The following NEDD9 variants were observed in gnomAD, a reference collection of about 807,000 sequenced individuals.
NEDD9 encodes the protein neural precursor cell expressed, developmentally down-regulated 9.
Under a neutral mutation model 76.6 loss-of-function variants are expected in NEDD9, and 26 were observed. The ratio of observed to expected loss-of-function variants is 0.34; its 90% confidence interval spans 0.25 to 0.47. The LOEUF (loss-of-function observed/expected upper bound fraction) is 0.47, where lower values mean the gene tolerates loss of function less well. NEDD9 is among the 20% of genes least tolerant of loss of function. The pLI, the probability that NEDD9 is intolerant of heterozygous loss-of-function variation, is 1.00. For missense variants in NEDD9, 937 were observed against 1,058.5 expected (o/e 0.89, Z 1.59); for synonymous variants, 392 against 414.2 (o/e 0.95, Z 0.65).
intron 3 of NEDD9, among the ~76,000 whole-genome samples, chr6:11,262,322 G>T (rs1329913217): frequency 1.3e-5 from 2 of 152,218 alleles, no homozygotes; most frequent in Non-Finnish European, 2.9e-5. Flanking sequence ...AATTTTGGCA[G>T]CTGCGTTAGT....
intron 1 of NEDD9, among the ~76,000 whole-genome samples, chr6:11,363,704 C>T (rs1762716054): frequency 1.3e-5 from 2 of 152,130 alleles, no homozygotes; most frequent in South Asian, 2.1e-4. Context: ...TGCTACTTTG[C>T]TCATGTTAGG....
intron 3 of NEDD9, 47 bp from the exon 4 acceptor site, chr6:11,192,493 T>C (rs1417615979): frequency 2.1e-6 from 3 of 1,417,350 alleles, no homozygotes; most frequent in Non-Finnish European, 3.0e-6. Flanking sequence ...GTCTTATACT[T>C]GGTCATTTTT....
At chr6:11,195,036 A>G (rs1304702582) in intron 2 of NEDD9, among the ~76,000 whole-genome samples, 1 of 152,196 alleles carries the variant, frequency 6.6e-6, no homozygotes. Context: ...GAAACCGTCA[A>G]CTTTTATCCT....
intron 3 of NEDD9, among the ~76,000 whole-genome samples, chr6:11,255,145 T>G (rs920582024): frequency 6.6e-6 from 1 of 152,028 alleles, no homozygotes; most frequent in Non-Finnish European, 1.5e-5. Flanking sequence ...CATGGAGAAA[T>G]GAGTGGATGA....
At chr6:11,191,950 A>G (rs1758154960) in intron 4 of NEDD9, among the ~76,000 whole-genome samples, 1 of 152,172 alleles carries the variant, frequency 6.6e-6, no homozygotes. Flanking sequence ...GACTGCAATG[A>G]GCTGTGGTTG....
At chr6:11,358,874 C>T (rs1762629699) in intron 1 of NEDD9, among the ~76,000 whole-genome samples, 1 of 152,178 alleles carries the variant, frequency 6.6e-6, no homozygotes, top group South Asian at 2.1e-4. Context: ...GCTAAGATCA[C>T]ACCATCGGCA....
upstream of NEDD9, among the ~76,000 whole-genome samples, chr6:11,236,686 C>G (rs1260681244): frequency 6.6e-6 from 1 of 152,162 alleles, no homozygotes; most frequent in Non-Finnish European, 1.5e-5. The surrounding 1 kb of genome is among the most constrained non-coding windows in gnomAD (Gnocchi z 5.5). Context: ...ATCTCTTGGT[C>G]TGGTCTATTC....
intron 3 of NEDD9, among the ~76,000 whole-genome samples, chr6:11,279,092 G>A (rs1760477052): frequency 6.6e-6 from 1 of 152,142 alleles, no homozygotes; most frequent in South Asian, 2.1e-4. Flanking sequence ...TGAAGTAAAG[G>A]CAATAGATAC....
chr6:11,219,927 G>A (rs758167022), intron 1 of NEDD9, among the ~76,000 whole-genome samples: 1 of 152,194 alleles, frequency 6.6e-6, no homozygotes, highest in Non-Finnish European at 1.5e-5. Flanking sequence ...TGCATCTGAA[G>A]ATCTGGAATG....
intron 3 of NEDD9, among the ~76,000 whole-genome samples, chr6:11,255,747 C>T (rs914540127): frequency 1.3e-5 from 2 of 152,026 alleles, no homozygotes; most frequent in Non-Finnish European, 2.9e-5. Flanking sequence ...TTCCCTTAAT[C>T]CCTGAGCACT....
In NEDD9 at chr6:11,185,369, C is replaced by T. The variant is rs1757949670; in HGVS notation, c.2298G>A (p.Gln766=). The change falls in exon 7 of 7, where the codon CAG becomes CAA. Residue 766 remains glutamine, a synonymous_variant. Coordinates refer to ENST00000379446, the MANE Select transcript of NEDD9 (RefSeq NM_006403.4). ...TGTTGCGAATGTCCTGGGCAGTCACCTGCCGTGTCAGCGTGTCTCCAATGA... is the reference window on the plus strand; with the variant it reads ...TGTTGCGAATGTCCTGGGCAGTCACTTGCCGTGTCAGCGTGTCTCCAATGA... ...LVFIGDTLTR[Q]VTAQDIRNKV... is the part of the protein sequence containing the mutation. 1.2e-6 allele frequency: 2 copies of T among 1,614,132 alleles called. No homozygotes were observed. The highest frequency in any genetic ancestry group is 1.3e-5 in the African/African-American group (1 of 74,936).
chr6:11,356,009 C>CG (rs1762568258), intron 1 of NEDD9, among the ~76,000 whole-genome samples: 1 of 152,180 alleles, frequency 6.6e-6, no homozygotes, highest in Non-Finnish European at 1.5e-5. Context: ...GCGTGAGCCA[C>CG]CATGCCCGGC....
chr6:11,306,011 C>T (rs1456838713), exon 3 of NEDD9: 1 of 1,613,900 alleles, frequency 6.2e-7, no homozygotes, highest in Non-Finnish European at 8.5e-7. Flanking sequence ...CATTTTGCCC[C>T]AAGGAATGAT....
chr6:11,257,107 G>T (rs1452977267), intron 3 of NEDD9, among the ~76,000 whole-genome samples: 1 of 152,164 alleles, frequency 6.6e-6, no homozygotes, highest in Non-Finnish European at 1.5e-5. Flanking sequence ...ATACTCTTCT[G>T]GGGGACCATC....
chr6:11,328,804 T>G (rs1761980303), intron 2 of NEDD9: 1 of 152,226 alleles, frequency 6.6e-6, no homozygotes, highest in African/African-American at 2.4e-5. Context: ...CTGGAATGGT[T>G]GAGTCAGCTC....
intron 1 of NEDD9, among the ~76,000 whole-genome samples, chr6:11,353,953 T>G (rs946992766): frequency 6.6e-6 from 1 of 152,118 alleles, no homozygotes. Context: ...AATTCAACGG[T>G]CTTGGGGGAG....
At chr6:11,292,743 GTC>G (rs1252893040) in intron 3 of NEDD9, among the ~76,000 whole-genome samples, 1 of 152,202 alleles carries the variant, frequency 6.6e-6, no homozygotes, top group Non-Finnish European at 1.5e-5. Context: ...ATGGAGAGAG[GTC>G]TCTGTGATGT....
At chr6:11,366,251 C>T (rs1396399962) in intron 1 of NEDD9, among the ~76,000 whole-genome samples, 2 of 105,344 alleles carry the variant, frequency 1.9e-5, no homozygotes, top group Non-Finnish European at 3.7e-5. Context: ...GCGTGGGTGA[C>T]AGAGTGAGAG....
At chr6:11,368,105 A>G (rs902202254) in intron 1 of NEDD9, among the ~76,000 whole-genome samples, 3 of 152,136 alleles carry the variant, frequency 2.0e-5, no homozygotes, top group Non-Finnish European at 4.4e-5. Flanking sequence ...CTTGGAAGCT[A>G]CTGTGCGCAG....
Sources: gnomAD v4.1 joint callset for allele counts (sites outside exome capture counted in the v4.1 genomes callset) on GRCh38, gnomAD v4.1.1 for gene constraint, Gnocchi (gnomAD v3.1) non-coding constraint, MANE v1.5 for transcripts, NCBI Gene and HGNC (gene_info 2026-07-23, HGNC 2026-07-21) for gene names.